The following LRP1B variants were observed in gnomAD, a reference collection of about 807,000 sequenced individuals.
The protein encoded by LRP1B is low-density lipoprotein receptor-related protein 1B.
A neutral mutation model predicts 556.6 loss-of-function variants in LRP1B; 217 were observed. The observed-to-expected ratio is 0.39, with a 90% CI of 0.35 to 0.44. The LOEUF (loss-of-function observed/expected upper bound fraction) is 0.44, where lower values mean the gene tolerates loss of function less well. Among genes scored for constraint, LRP1B ranks in the 20% least tolerant of loss-of-function variants. The pLI is 1.00. For missense variants in LRP1B, 5,053 were observed against 5,620.8 expected (o/e 0.90, Z 3.23); for synonymous variants, 2,047 against 1,865.8 (o/e 1.10, Z -2.50).
chr2:141,658,378 G>A (rs370024587), intron 2 of LRP1B, among the ~76,000 whole-genome samples: 11 of 152,192 alleles, frequency 7.2e-5, no homozygotes, highest in African/African-American at 2.4e-4. Context: ...TTCAGGGCTT[G>A]CTAATTCCAG....
At chr2:140,637,229 C>G (rs999315231) in intron 41 of LRP1B, among the ~76,000 whole-genome samples, 1 of 152,050 alleles carries the variant, frequency 6.6e-6, no homozygotes, top group African/African-American at 2.4e-5. Context: ...GAATGATACC[C>G]TGGAAAGAAG....
At chr2:141,912,494 C>G (rs1699929889) in intron 1 of LRP1B, among the ~76,000 whole-genome samples, 1 of 151,922 alleles carries the variant, frequency 6.6e-6, no homozygotes, top group Non-Finnish European at 1.5e-5. Flanking sequence ...TCAAATAACC[C>G]ACAGGTATGA....
At chr2:141,256,710 C>T (rs140184401) in intron 3 of LRP1B, among the ~76,000 whole-genome samples, 96 of 151,978 alleles carry the variant, frequency 6.3e-4, no homozygotes, top group African/African-American at 2.0e-3. Context: ...AGAAGTACTA[C>T]GAGTTTGGGA....
intron 1 of LRP1B, among the ~76,000 whole-genome samples, chr2:141,988,336 G>T (rs115923474): frequency 0.019 from 2,933 of 151,766 alleles, 51 homozygotes; most frequent in East Asian, 0.072. Flanking sequence ...TGAGGTCCTT[G>T]GTTGTAGAAT....
At chr2:141,832,718 G>T (rs1369592667) in intron 1 of LRP1B, among the ~76,000 whole-genome samples, 6 of 151,686 alleles carry the variant, frequency 4.0e-5, no homozygotes, top group African/African-American at 1.4e-4. Flanking sequence ...CAGCTACCAA[G>T]AATTGTTTTT....
At position 140,883,940 on chromosome 2, in the gene LRP1B, A is replaced by G; in HGVS notation, c.4046T>C (p.Ile1349Thr). The G allele has an allele frequency of 1.9e-6, 3 of 1,613,614 alleles. No individual in the cohort carries two copies. Among genetic ancestry groups the G allele is most frequent in the Non-Finnish European group, 2.5e-6 (3 of 1,179,936 alleles). ...GTCCAGATTGCTGTCTATCCAGTAT[A>G]TGTTTCCTGCTATCCAGTCGACTGT... ...GLTVDWIAGN[I>T]YWIDSNLDQI... Residue 1349 changes from isoleucine (I) to threonine (T), a missense_variant, in exon 25 of 91, where the codon ATA (isoleucine) becomes ACA (threonine). By Grantham distance (89) the Ile-to-Thr change is moderately conservative (BLOSUM62 -1). Coordinates refer to ENST00000389484, the MANE Select transcript of LRP1B (RefSeq NM_018557.3).
chr2:140,471,753 G>C (rs915346494), intron 60 of LRP1B, among the ~76,000 whole-genome samples: 4 of 152,048 alleles, frequency 2.6e-5, no homozygotes, highest in African/African-American at 9.7e-5. Context: ...ACCATCAATA[G>C]CTCCCTGTGA....
chr2:140,552,015 C>G (rs7587396), intron 43 of LRP1B, among the ~76,000 whole-genome samples: 52,977 of 151,970 alleles, frequency 0.35, 10,208 homozygotes, highest in South Asian at 0.45. Flanking sequence ...CTCAAGGTCA[C>G]AGATTTACTA....
chr2:140,702,724 C>T (rs773274276), intron 37 of LRP1B, among the ~76,000 whole-genome samples, 171 bp from the exon 38 acceptor site: 9 of 151,986 alleles, frequency 5.9e-5, no homozygotes, highest in South Asian at 2.1e-4. Flanking sequence ...TAATTTTTAT[C>T]GTAAAAAAAT....
chr2:140,965,212 C>T (rs1696167755), intron 18 of LRP1B, among the ~76,000 whole-genome samples: 1 of 152,142 alleles, frequency 6.6e-6, no homozygotes, highest in Non-Finnish European at 1.5e-5. Flanking sequence ...TTCTAACCCC[C>T]AGGACCTGTG....
intron 21 of LRP1B, among the ~76,000 whole-genome samples, chr2:140,908,384 ATATATAT>A (rs1694321001): frequency 6.8e-5 from 10 of 146,678 alleles, no homozygotes; most frequent in Middle Eastern, 7.3e-3. Context: ...ATATATATAT[ATATATAT>A]AAAAAGAAGG....
rs72975039 is a variant in LRP1B at position 141,019,408 on chromosome 2, T to C, written c.1970+514A>G. Among the ~76,000 whole-genome samples, 1,019 of 152,178 alleles carry C rather than the reference T, an allele frequency of 6.7e-3. 12 individuals carry two copies. Among genetic ancestry groups the C allele is most frequent in the African/African-American group, 0.024 (983 of 41,550 alleles). On this transcript the variant is annotated intron_variant, in intron 12 of 90. Transcript: ENST00000389484. ...CAGTCTTTTACTAATTGAATAGTGA[T>C]TGGCAAGACAGTTATCATTTTCAAC... is the stretch of plus-strand genomic sequence containing the variant.
intron 1 of LRP1B, among the ~76,000 whole-genome samples, chr2:142,117,080 T>C (rs1707299018): frequency 6.6e-6 from 1 of 152,150 alleles, no homozygotes; most frequent in Non-Finnish European, 1.5e-5. Context: ...AACCACGTGC[T>C]GTTACTTCCC....
At chr2:141,317,246 A>G (rs1687068115) in intron 3 of LRP1B, among the ~76,000 whole-genome samples, 2 of 152,198 alleles carry the variant, frequency 1.3e-5, no homozygotes, top group South Asian at 4.1e-4. Context: ...ATAACAAAAT[A>G]CCACACACTG....
chr2:141,620,598 T>C (rs1312408131), intron 2 of LRP1B, among the ~76,000 whole-genome samples: 2 of 152,200 alleles, frequency 1.3e-5, no homozygotes, highest in Non-Finnish European at 2.9e-5. Flanking sequence ...AATAATTTTC[T>C]GACTTTTCAT....
chr2:141,558,679 G>C (rs1309769539), intron 2 of LRP1B, among the ~76,000 whole-genome samples: 2 of 151,782 alleles, frequency 1.3e-5, no homozygotes, highest in African/African-American at 4.8e-5. Context: ...CAAGTAAGAA[G>C]TAATTCAGCT....
At chr2:141,071,585 G>A (rs1290133145) in intron 7 of LRP1B, among the ~76,000 whole-genome samples, 1 of 152,150 alleles carries the variant, frequency 6.6e-6, no homozygotes, top group African/African-American at 2.4e-5. Flanking sequence ...CAGATGACAT[G>A]ACTGTGTATC....
At chr2:141,455,699 A>C (rs1249188709) in intron 3 of LRP1B, among the ~76,000 whole-genome samples, 1 of 152,184 alleles carries the variant, frequency 6.6e-6, no homozygotes, top group Non-Finnish European at 1.5e-5. Context: ...GGAATAAATG[A>C]ACAAATACAT....
At chr2:141,955,490 T>G (rs1157820209) in intron 1 of LRP1B, among the ~76,000 whole-genome samples, 2 of 152,076 alleles carry the variant, frequency 1.3e-5, no homozygotes, top group African/African-American at 4.8e-5. Flanking sequence ...TATAAATGTG[T>G]ACATTAAAGT....
Sources: allele counts gnomAD v4.1 joint callset (sites outside exome capture counted in the v4.1 genomes callset), GRCh38; gene constraint gnomAD v4.1.1; transcripts MANE v1.5; gene names NCBI Gene and HGNC (gene_info 2026-07-23, HGNC 2026-07-21).